Variants in CAMKK1 observed in about 807,000 individuals in gnomAD.
CAMKK1 encodes calcium/calmodulin dependent protein kinase kinase 1, also known as calcium/calmodulin-dependent protein kinase kinase 1.
CAMKK1 carries 20 observed loss-of-function variants against 63.5 expected under a neutral mutation model. That is an observed-to-expected ratio of 0.32 (90% confidence interval 0.22 to 0.46). The LOEUF (loss-of-function observed/expected upper bound fraction) is 0.46, where lower values mean the gene tolerates loss of function less well. Ranked by LOEUF, CAMKK1 falls within the 20% of genes least tolerant of loss-of-function variation. The probability of loss-of-function intolerance (pLI) is 1.00; values close to 1 mark genes in which losing one functional copy is unlikely to be tolerated. For missense variants in CAMKK1, 588 were observed against 658.1 expected (o/e 0.89, Z 1.17); for synonymous variants, 253 against 269.0 (o/e 0.94, Z 0.58).
In CAMKK1 at chr17:3,882,176, T is replaced by C. The variant is rs58763286; in HGVS notation, c.685+352A>G. 0.013 allele frequency: 11,746 copies of C among 921,656 alleles called. 832 individuals carry two copies. In the African/African-American group the frequency reaches 0.16, roughly 13 times the overall value. 57.1% of individuals were successfully genotyped at this position (921,656 alleles called of 1,614,324 possible). The stretch of plus-strand genomic sequence containing the variant: ...AACCCTATGAGGTAGACACCACTAG[T>C]ATCCCTGTTTTATAGGTGGGAAAAC... On this transcript the variant is annotated intron_variant, in intron 7 of 15. Coordinates refer to ENST00000348335, the MANE Select transcript of CAMKK1 (RefSeq NM_032294.3). The surrounding 1 kb of genome is among the most constrained non-coding windows in gnomAD (Gnocchi z 4.3).
rs973806089 is a variant in CAMKK1, at chr17:3,866,537, G to A, written c.1342-526C>T. Among the ~76,000 whole-genome samples, 4 of 152,212 alleles carry A rather than the reference G, an allele frequency of 2.6e-5. No individual in the cohort carries two copies. In the East Asian group the frequency reaches 5.8e-4, roughly 22 times the overall value. On this transcript the variant is annotated intron_variant, in intron 14 of 15. Coordinates refer to ENST00000348335, the MANE Select transcript of CAMKK1 (RefSeq NM_032294.3). Reference sequence around the variant, plus strand: ...TCCGTGACAAGGACGGTTCCATGCCGTGCCCACAGACACGCCGACTCACAC... The same window carrying A: ...TCCGTGACAAGGACGGTTCCATGCCATGCCCACAGACACGCCGACTCACAC...
At chr17:3,888,679 G>A (rs1238275745) in intron 1 of CAMKK1, among the ~76,000 whole-genome samples, 1 of 152,236 alleles carries the variant, frequency 6.6e-6, no homozygotes, top group Non-Finnish European at 1.5e-5. Context: ...AGATGGATGC[G>A]CGGGCGGGCG....
chr17:3,888,592 C>G (rs1567638674), intron 1 of CAMKK1, among the ~76,000 whole-genome samples: 1 of 152,258 alleles, frequency 6.6e-6, no homozygotes. Flanking sequence ...AGAACAGTGC[C>G]TGCCACTAAG....
intron 15 of CAMKK1, among the ~76,000 whole-genome samples, chr17:3,864,230 G>A (rs561259791): frequency 2.7e-4 from 41 of 151,712 alleles, no homozygotes; most frequent in African/African-American, 9.0e-4. Flanking sequence ...TTATAGGCAT[G>A]AGCCACCATG....
At chr17:3,877,106 C>T (rs1404656486) in intron 9 of CAMKK1, among the ~76,000 whole-genome samples, 1 of 152,086 alleles carries the variant, frequency 6.6e-6, no homozygotes, top group Non-Finnish European at 1.5e-5. Context: ...CTGTGAGTGC[C>T]GTCTGCAGGC....
chr17:3,880,376 G>A lies in CAMKK1; in HGVS notation c.766C>T (p.Leu256=), dbSNP rs772423159. ...PFSEEQARLY[L]RDVILGLEYL... ...TCGAGGCCCAGGATGACGTCCCGCAGGTAGAGGCGAGCTTGCTCCTCCGAG... is the reference window on the plus strand; with the variant it reads ...TCGAGGCCCAGGATGACGTCCCGCAAGTAGAGGCGAGCTTGCTCCTCCGAG... Residue 256 remains leucine, a synonymous_variant, in exon 9 of 16, where the codon CTG becomes TTG. Coordinates refer to ENST00000348335, the MANE Select transcript of CAMKK1 (RefSeq NM_032294.3). 3 of 1,613,900 alleles carry A rather than the reference G, an allele frequency of 1.9e-6. No homozygotes were observed. Among genetic ancestry groups the A allele is most frequent in the Non-Finnish European group, 2.5e-6 (3 of 1,180,018 alleles).
At chr17:3,873,016 C>T (rs1441787125) in intron 11 of CAMKK1, among the ~76,000 whole-genome samples, 3 of 152,190 alleles carry the variant, frequency 2.0e-5, no homozygotes, top group Admixed American at 6.5e-5. Flanking sequence ...CAGGGATCAC[C>T]GATACGTCAG....
intron 10 of CAMKK1, among the ~76,000 whole-genome samples, chr17:3,874,975 A>G (rs2055077072): frequency 6.6e-6 from 1 of 151,854 alleles, no homozygotes; most frequent in Admixed American, 6.5e-5. Context: ...ACAAAAAATT[A>G]GCCGGGCGTG....
rs758681201 is a variant in CAMKK1 at position 3,869,610 on chromosome 17, G to T, written c.1218C>A (p.His406Gln). The T allele has an allele frequency of 3.1e-6, 5 of 1,614,086 alleles. No homozygotes were observed. The African/African-American group carries it at 6.7e-5, about 22-fold the overall frequency. ...TRIGVPDIKL[H>Q]PWVTKNGEEP... is the part of the protein sequence containing the mutation. The stretch of plus-strand genomic sequence containing the variant: ...CCTCCCCGTTCTTGGTCACCCAAGG[G>T]TGCAACTGTCGGGGCCGGGAGGGCA... The change falls in exon 14 of 16, where the codon CAC (histidine) becomes CAA (glutamine). Residue 406 changes from histidine (H) to glutamine (Q), a missense_variant. His to Gln is a conservative substitution (Grantham distance 24). Around this residue, in one of 3 missense-constraint regions of CAMKK1, gnomAD observed 226 missense variants for 229.2 expected, o/e 0.99. Coordinates refer to ENST00000348335, the MANE Select transcript of CAMKK1 (RefSeq NM_032294.3).
At chr17:3,865,758 C>T in intron 15 of CAMKK1, 150 bp downstream of exon 15, 2 of 1,456,202 alleles carry the variant, frequency 1.4e-6, no homozygotes. Context: ...ACCTTGGGGA[C>T]AGAGATGCAA....
intron 14 of CAMKK1, 134 bp downstream of exon 14, chr17:3,869,348 AGAATG>A: frequency 8.6e-7 from 1 of 1,166,780 alleles, no homozygotes; most frequent in Non-Finnish European, 1.2e-6. Context: ...GGCCTCCAGC[AGAATG>A]GCGGCTCCAG....
intron 12 of CAMKK1, among the ~76,000 whole-genome samples, chr17:3,871,535 T>G (rs2054874523): frequency 1.4e-5 from 2 of 147,674 alleles, no homozygotes; most frequent in Non-Finnish European, 3.0e-5. Flanking sequence ...TTTTTCTATT[T>G]TTAGTAGAGA....
chr17:3,889,328 G>A lies in CAMKK1; in HGVS notation c.-43-3598C>T, dbSNP rs1047557426. 2.6e-5 allele frequency among the ~76,000 whole-genome samples: 4 copies of A among 152,102 alleles called. No homozygotes were observed. The highest frequency in any genetic ancestry group is 2.1e-4 in the South Asian group (1 of 4,824). Reference sequence around the variant, plus strand: ...AAACAGAAAGATGGACAGACAGGCCGGGAACCAGGCCCATGGTACAGCGAA... The same window carrying A: ...AAACAGAAAGATGGACAGACAGGCCAGGAACCAGGCCCATGGTACAGCGAA... On this transcript the variant is annotated intron_variant, in intron 1 of 15. Coordinates refer to ENST00000348335, the MANE Select transcript of CAMKK1 (RefSeq NM_032294.3). The surrounding 1 kb of genome is among the most constrained non-coding windows in gnomAD (Gnocchi z 5.2).
chr17:3,865,782 C>G (rs1475308535), intron 15 of CAMKK1, 126 bp downstream of exon 15: 1 of 1,494,534 alleles, frequency 6.7e-7, no homozygotes, highest in Non-Finnish European at 8.9e-7. Context: ...GGGCCAACAC[C>G]GAGACCTGGC....
chr17:3,884,284 C>A lies in CAMKK1; in HGVS notation c.408+96G>T. 1 of 1,381,008 alleles carries A rather than the reference C, an allele frequency of 7.2e-7. No individual in the cohort carries two copies. The highest frequency in any genetic ancestry group is 1.0e-6 in the Non-Finnish European group (1 of 974,046). The allele number at this position is 1,381,008 out of a possible 1,614,324, so 85.5% of individuals were successfully genotyped here. Reference sequence around the variant, plus strand: ...TCCTCACCTCCAGGCTAGGACTTGCCTGGCTCTGCCTCCCGTTCCCTCCCA... The same window carrying A: ...TCCTCACCTCCAGGCTAGGACTTGCATGGCTCTGCCTCCCGTTCCCTCCCA... On this transcript the variant is annotated intron_variant, in intron 3 of 15. Coordinates refer to ENST00000348335, the MANE Select transcript of CAMKK1 (RefSeq NM_032294.3). The surrounding 1 kb of genome is among the most constrained non-coding windows in gnomAD (Gnocchi z 4.5).
chr17:3,871,347 G>GTTTTTTTTTTTTTTTTTTTTTTTTTTTT (rs869219931), intron 12 of CAMKK1, among the ~76,000 whole-genome samples: 90 of 104,362 alleles, frequency 8.6e-4, no homozygotes, highest in East Asian at 1.2e-3. Context: ...TTTTTTTTTT[G>GTTTTTTTTTTTTTTTTTTTTTTTTTTTT]TTTTTTTTTT....
chr17:3,881,112 T>C (rs1050581855), intron 8 of CAMKK1, among the ~76,000 whole-genome samples: 1 of 152,180 alleles, frequency 6.6e-6, no homozygotes, highest in Admixed American at 6.5e-5. Context: ...GTAAATACCC[T>C]GAAAAGCCGC....
At position 3,882,711 on chromosome 17, in the gene CAMKK1, A is replaced by G; in HGVS notation, c.649-147T>C. On this transcript the variant is annotated intron_variant, in intron 6 of 15. Coordinates refer to ENST00000348335, the MANE Select transcript of CAMKK1 (RefSeq NM_032294.3). This position sits in a 1 kb window ranked among gnomAD's most constrained non-coding sequence, Gnocchi z 4.3. ...AAGCAGGAAGTGTACAGGTGGTGCCAGACTGATGGGGCCTCAGAAGTCACC... is the reference window on the plus strand; with the variant it reads ...AAGCAGGAAGTGTACAGGTGGTGCCGGACTGATGGGGCCTCAGAAGTCACC... The G allele has an allele frequency of 1.2e-6, 1 of 801,820 alleles. No homozygotes were observed. 49.7% of individuals were successfully genotyped at this position (801,820 alleles called of 1,614,324 possible).
At chr17:3,867,816 C>T (rs2054595129) in intron 14 of CAMKK1, among the ~76,000 whole-genome samples, 1 of 152,132 alleles carries the variant, frequency 6.6e-6, no homozygotes, top group African/African-American at 2.4e-5. Flanking sequence ...CAGGCAGGGG[C>T]AGGGCAGGGC....
Sources: allele counts gnomAD v4.1 joint callset (sites outside exome capture counted in the v4.1 genomes callset), GRCh38; gene constraint gnomAD v4.1.1; regional missense constraint gnomAD v4.1.1; non-coding constraint Gnocchi (gnomAD v3.1); transcripts MANE v1.5; gene names NCBI Gene and HGNC (gene_info 2026-07-23, HGNC 2026-07-21).